The following PVT1 variants were observed in gnomAD, a reference collection of about 807,000 sequenced individuals.
PVT1 encodes the protein CXCR4/PVT1 fusion.
intron 4 of PVT1, among the ~76,000 whole-genome samples, chr8:127,997,447 A>G (rs1001532451): frequency 6.6e-6 from 1 of 152,016 alleles, no homozygotes. Flanking sequence ...CTGCCAATCC[A>G]TTTTTCAGGC....
intron 3 of PVT1, among the ~76,000 whole-genome samples, chr8:127,958,889 C>T (rs1235189264): frequency 6.6e-6 from 1 of 152,174 alleles, no homozygotes; most frequent in Non-Finnish European, 1.5e-5. Flanking sequence ...TTTGAACTCA[C>T]AGAGTCCTCC....
At chr8:127,981,476 T>G (rs1816882798) in intron 3 of PVT1, among the ~76,000 whole-genome samples, 1 of 152,174 alleles carries the variant, frequency 6.6e-6, no homozygotes, top group African/African-American at 2.4e-5. Context: ...ATCAGAACGC[T>G]TTTACGGAAA....
At chr8:127,866,988 A>G (rs548283903) in intron 2 of PVT1, among the ~76,000 whole-genome samples, 1 of 152,358 alleles carries the variant, frequency 6.6e-6, no homozygotes, top group South Asian at 2.1e-4. Flanking sequence ...TTCACTGTAG[A>G]GGATGACTTG....
chr8:128,016,736 A>G (rs911417372), intron 4 of PVT1, among the ~76,000 whole-genome samples: 1 of 152,214 alleles, frequency 6.6e-6, no homozygotes, highest in Non-Finnish European at 1.5e-5. Context: ...TCACAATTGA[A>G]TAAGCTACCC....
intron 4 of PVT1, among the ~76,000 whole-genome samples, chr8:128,043,791 C>T (rs1236890028): frequency 6.7e-6 from 1 of 149,698 alleles, no homozygotes; most frequent in African/African-American, 2.5e-5. Context: ...CACACACACA[C>T]ACACACACAC....
At chr8:128,044,896 C>T (rs893630364) in intron 4 of PVT1, among the ~76,000 whole-genome samples, 4 of 152,198 alleles carry the variant, frequency 2.6e-5, no homozygotes, top group African/African-American at 9.7e-5. Flanking sequence ...TCCAGCATTC[C>T]TACAATCTTG....
In PVT1 at chr8:127,934,535, G is replaced by A. The variant is rs77471471; in HGVS notation, n.782+43537G>A. On this transcript the variant is annotated intron_variant and non_coding_transcript_variant, in intron 3 of 10. Transcript: ENST00000651587. Reference sequence around the variant, plus strand: ...AAGATAGAGGGGAAAGAGTTGGCCAGCCTTTGTTTAGGGACTCCCAGAATG... The same window carrying A: ...AAGATAGAGGGGAAAGAGTTGGCCAACCTTTGTTTAGGGACTCCCAGAATG... Among the ~76,000 whole-genome samples, 843 of 152,310 alleles carry A rather than the reference G, an allele frequency of 5.5e-3. 13 individuals carry two copies. Among genetic ancestry groups the A allele is most frequent in the African/African-American group, 0.019 (805 of 41,546 alleles).
At chr8:128,033,849 T>C (rs1813427892) in intron 4 of PVT1, among the ~76,000 whole-genome samples, 1 of 152,232 alleles carries the variant, frequency 6.6e-6, no homozygotes, top group Non-Finnish European at 1.5e-5. Flanking sequence ...GCCTGTATCC[T>C]GAAGTCAATT....
chr8:127,937,578 C>G (rs867939104), intron 3 of PVT1, among the ~76,000 whole-genome samples: 24,716 of 115,556 alleles, frequency 0.21, 2,674 homozygotes, highest in Middle Eastern at 0.35. Context: ...CACACACACA[C>G]ACAGAGAGAG....
intron 4 of PVT1, among the ~76,000 whole-genome samples, chr8:128,025,611 G>T (rs1479080342): frequency 6.6e-6 from 1 of 152,212 alleles, no homozygotes; most frequent in Non-Finnish European, 1.5e-5. Context: ...TGTTAGGGAA[G>T]ATTTAAATTC....
intron 2 of PVT1, among the ~76,000 whole-genome samples, chr8:127,882,894 G>C (rs967689457): frequency 2.0e-5 from 3 of 152,106 alleles, no homozygotes; most frequent in African/African-American, 7.2e-5. Flanking sequence ...CCCATTGACC[G>C]GGTCTCAGAG....
chr8:127,920,592 T>C lies in PVT1; in HGVS notation n.782+29594T>C, dbSNP rs78698685. Among the ~76,000 whole-genome samples the C allele has an allele frequency of 8.2e-3, 1,245 of 152,338 alleles. 14 individuals carry two copies. Among genetic ancestry groups the C allele is most frequent in the Non-Finnish European group, 0.013 (882 of 68,034 alleles). On this transcript the variant is annotated intron_variant and non_coding_transcript_variant, in intron 3 of 10. Coordinates refer to ENST00000651587, the Ensembl canonical transcript of PVT1. ...ACACTCAATAAATGTTAGCTATTGA[T>C]ATTGGTGTGCCCAGAAGGCTTGTTA...
In PVT1 at chr8:127,921,810, C is replaced by T. The variant is rs1291160512; in HGVS notation, n.782+30812C>T. 4.7e-4 allele frequency among the ~76,000 whole-genome samples: 4 copies of T among 8,448 alleles called. No homozygotes were observed. The Admixed American group carries it at 7.7e-3, about 16-fold the overall frequency. 5.5% of individuals were successfully genotyped at this position (8,448 alleles called of 152,430 possible). ...CCTGGGTGAGACTGCGAGACTCTGT[C>T]TGGAAAATAAATAAATTTAAAAAAA... On this transcript the variant is annotated intron_variant and non_coding_transcript_variant, in intron 3 of 10. Coordinates refer to ENST00000651587, the Ensembl canonical transcript of PVT1.
chr8:127,971,814 G>C (rs1425168827), intron 3 of PVT1, among the ~76,000 whole-genome samples: 1 of 152,184 alleles, frequency 6.6e-6, no homozygotes, highest in Admixed American at 6.5e-5. Context: ...TCACCACCGG[G>C]ACAGAAACGG....
At chr8:127,918,519 G>C (rs1305761292) in intron 3 of PVT1, among the ~76,000 whole-genome samples, 1 of 152,164 alleles carries the variant, frequency 6.6e-6, no homozygotes, top group Non-Finnish European at 1.5e-5. Context: ...ATGTTTACTG[G>C]CTTCTAGTCT....
intron 2 of PVT1, among the ~76,000 whole-genome samples, chr8:127,808,935 C>T (rs1814557946): frequency 7.4e-6 from 1 of 134,742 alleles, no homozygotes; most frequent in Non-Finnish European, 1.5e-5. Flanking sequence ...GAAGCTGAGG[C>T]AGGAAAATAG....
Position 127,937,286 on chromosome 8 carries a change from T to A in PVT1, n.782+46288T>A, listed in dbSNP as rs970914367. On this transcript the variant is annotated intron_variant and non_coding_transcript_variant, in intron 3 of 10. Coordinates refer to ENST00000651587, the Ensembl canonical transcript of PVT1. ...TTTTTCTTTTCTTTTCTTTTTTTTT[T>A]AGACAGGCTGGAGTGCAGTGGCACG... is the stretch of plus-strand genomic sequence containing the variant. Among the ~76,000 whole-genome samples the A allele has an allele frequency of 1.2e-4, 18 of 151,992 alleles. 1 individual carries two copies. The East Asian group carries it at 1.6e-3, about 13-fold the overall frequency.
intron 3 of PVT1, among the ~76,000 whole-genome samples, chr8:127,896,298 G>A (rs1815674056): frequency 6.6e-6 from 1 of 152,012 alleles, no homozygotes; most frequent in Non-Finnish European, 1.5e-5. Context: ...TGACAGTTTT[G>A]GGAAGTCAGT....
At chr8:127,991,769 GA>G (rs567854388) in intron 4 of PVT1, among the ~76,000 whole-genome samples, 29 of 152,302 alleles carry the variant, frequency 1.9e-4, no homozygotes, top group Admixed American at 9.2e-4. Flanking sequence ...TTCTATGACA[GA>G]ACCTGAAGAA....
Sources: gnomAD v4.1 joint callset for allele counts (sites outside exome capture counted in the v4.1 genomes callset) on GRCh38, gnomAD v4.1.1 for gene constraint, MANE v1.5 for transcripts, NCBI Gene and HGNC (gene_info 2026-07-23, HGNC 2026-07-21) for gene names.